TENM3: variants seen among roughly 807,000 people sequenced by gnomAD.
The protein encoded by TENM3 is teneurin transmembrane protein 3, also known as teneurin-3.
In TENM3, 63 loss-of-function variants were observed where a neutral mutation model predicts 255.1. The observed-to-expected ratio is 0.25, with a 90% CI of 0.20 to 0.30. The LOEUF (loss-of-function observed/expected upper bound fraction) is 0.30, where lower values mean the gene tolerates loss of function less well. Among genes scored for constraint, TENM3 ranks in the 10% least tolerant of loss-of-function variants. The probability of loss-of-function intolerance (pLI) is 1.00; values close to 1 mark genes in which losing one functional copy is unlikely to be tolerated. For missense variants in TENM3, 2,929 were observed against 3,461.1 expected, an observed-to-expected ratio of 0.85 and a Z score of 3.86; for synonymous variants, 1,306 against 1,322.3, an observed-to-expected ratio of 0.99 and a Z score of 0.27.
chr4:182,085,246 G>A, the TENM3 span: 1 of 152,066 alleles, frequency 6.6e-6, no homozygotes, highest in African/African-American at 2.4e-5. Context: ...CCAGACATTT[G>A]TCATCCAGAA....
the TENM3 span, among the ~76,000 whole-genome samples, chr4:181,481,852 G>T: frequency 1.3e-5 from 2 of 152,218 alleles, no homozygotes; most frequent in African/African-American, 4.8e-5. Flanking sequence ...ATTATTCTTA[G>T]AATTAATTTG....
the TENM3 span, among the ~76,000 whole-genome samples, chr4:181,935,659 G>A: frequency 6.6e-6 from 1 of 152,126 alleles, no homozygotes; most frequent in Non-Finnish European, 1.5e-5. Context: ...ATCTCTGCAT[G>A]CCGGGCACTC....
chr4:182,087,592 G>A, the TENM3 span, among the ~76,000 whole-genome samples: 1 of 152,118 alleles, frequency 6.6e-6, no homozygotes, highest in African/African-American at 2.4e-5. Flanking sequence ...CTGAGAGGCA[G>A]TGACTCTCAC....
intron 11 of TENM3, among the ~76,000 whole-genome samples, chr4:182,683,968 GA>G (rs1756373733): frequency 6.6e-6 from 1 of 151,932 alleles, no homozygotes; most frequent in African/African-American, 2.4e-5. Flanking sequence ...ATGAAGCAAG[GA>G]AAATTGGTGC....
rs113048632 is a variant in TENM3 at position 182,157,626 on chromosome 4, A to G, written c.-76+12872A>G. Among the ~76,000 whole-genome samples, 793 of 151,694 alleles carry G rather than the reference A, an allele frequency of 5.2e-3. 9 individuals carry two copies. Among genetic ancestry groups the G allele is most frequent in the African/African-American group, 0.018 (748 of 41,550 alleles). On this transcript the variant is annotated intron_variant, in intron 1 of 2. Transcript: ENST00000512480. ...AGGACTGCTCAGGTTCTAAAAGTCT[A>G]TGGTTCTATTGTTTGAAGATCTCCT...
At chr4:182,713,784 T>C (rs563020492) in intron 12 of TENM3, among the ~76,000 whole-genome samples, 1 of 152,340 alleles carries the variant, frequency 6.6e-6, no homozygotes, top group Admixed American at 6.5e-5. Flanking sequence ...CAATATACCT[T>C]GTTGCTTGGC....
chr4:182,180,185 A>C (rs1752756616), intron 1 of TENM3, among the ~76,000 whole-genome samples: 1 of 152,144 alleles, frequency 6.6e-6, no homozygotes. Flanking sequence ...GAACTTTCCA[A>C]AATGCTGCTT....
At chr4:182,258,325 C>T (rs1579924743) in intron 1 of TENM3, among the ~76,000 whole-genome samples, 2 of 152,124 alleles carry the variant, frequency 1.3e-5, no homozygotes, top group African/African-American at 4.8e-5. Context: ...CTGCTTTTAA[C>T]AATTTATAAT....
intron 4 of TENM3, among the ~76,000 whole-genome samples, chr4:182,615,650 T>A (rs1749436741): frequency 6.6e-6 from 1 of 151,294 alleles, no homozygotes; most frequent in Non-Finnish European, 1.5e-5. Context: ...GACATTAGCG[T>A]AAGGGAACTG....
chr4:181,711,655 A>G, the TENM3 span, among the ~76,000 whole-genome samples: 2 of 152,190 alleles, frequency 1.3e-5, no homozygotes, highest in African/African-American at 4.8e-5. Flanking sequence ...AGGAAACCCA[A>G]CTTGGTGACC....
the TENM3 span, among the ~76,000 whole-genome samples, chr4:181,922,588 T>C: frequency 3.3e-5 from 5 of 152,230 alleles, no homozygotes; most frequent in African/African-American, 1.2e-4. Context: ...ATATCCCCTT[T>C]ATCATTTTTT....
rs1217578692 is a variant in TENM3 at position 182,706,972 on chromosome 4, AC to A, written c.2222-7114del. Among the ~76,000 whole-genome samples, 419 of 151,770 alleles carry A rather than the reference AC, an allele frequency of 2.8e-3. 3 individuals carry two copies. In the East Asian group the frequency reaches 0.029, roughly 11 times the overall value. On this transcript the variant is annotated intron_variant, in intron 12 of 27. Transcript: ENST00000511685. The stretch of plus-strand genomic sequence containing the variant: ...AGACCCTGTATCCAAAAAAAAAAAA[AC>A]AAAAAGACTCTGCTATGAGCCAGGC...
At chr4:181,785,757 T>C in the TENM3 span, among the ~76,000 whole-genome samples, 1 of 151,920 alleles carries the variant, frequency 6.6e-6, no homozygotes, top group Non-Finnish European at 1.5e-5. Context: ...TCCCAAGTAT[T>C]TCAGATAAGG....
At chr4:182,228,738 T>C (rs1477970707) in intron 1 of TENM3, among the ~76,000 whole-genome samples, 1 of 152,150 alleles carries the variant, frequency 6.6e-6, no homozygotes, top group East Asian at 1.9e-4. Flanking sequence ...CCATCAAGCT[T>C]TTGAGGGACA....
chr4:181,819,755 G>A, the TENM3 span, among the ~76,000 whole-genome samples: 6 of 152,254 alleles, frequency 3.9e-5, no homozygotes, highest in Admixed American at 2.6e-4. Flanking sequence ...CTAATGCCAC[G>A]GCTAATCTGA....
At chr4:181,769,528 A>T in the TENM3 span, among the ~76,000 whole-genome samples, 4 of 152,338 alleles carry the variant, frequency 2.6e-5, no homozygotes, top group South Asian at 8.3e-4. Flanking sequence ...CACTTAATAA[A>T]ACTTATTTGT....
chr4:182,048,884 T>C, the TENM3 span, among the ~76,000 whole-genome samples: 1 of 152,184 alleles, frequency 6.6e-6, no homozygotes, highest in Non-Finnish European at 1.5e-5. Context: ...TCATTGTAAA[T>C]GGTGTTATCA....
the TENM3 span, among the ~76,000 whole-genome samples, chr4:182,082,954 A>T: frequency 6.6e-6 from 1 of 152,182 alleles, no homozygotes; most frequent in Admixed American, 6.5e-5. Flanking sequence ...TGAGATGTCA[A>T]ATATCTACTT....
At chr4:182,677,062 A>T (rs1579084356) in intron 7 of TENM3, among the ~76,000 whole-genome samples, 1 of 152,352 alleles carries the variant, frequency 6.6e-6, no homozygotes, top group Admixed American at 6.5e-5. Context: ...ATTTGCCCTT[A>T]AGTGACCACT....
Sources: gnomAD v4.1 joint callset for allele counts (sites outside exome capture counted in the v4.1 genomes callset) on GRCh38, gnomAD v4.1.1 for gene constraint, MANE v1.5 for transcripts, NCBI Gene and HGNC (gene_info 2026-07-23, HGNC 2026-07-21) for gene names.